Variants in C2 observed in about 807,000 individuals in gnomAD.
C2 encodes C3/C5 convertase.
C2 carries 64 observed loss-of-function variants against 85.2 expected under a neutral mutation model. That is an observed-to-expected ratio of 0.75 (90% CI 0.61 to 0.92). The LOEUF (loss-of-function observed/expected upper bound fraction) is 0.92, where lower values mean the gene tolerates loss of function less well. Among genes scored for constraint, C2 ranks in the 40% least tolerant of loss-of-function variants. C2 has a pLI of 0.00. For missense variants in C2, 820 were observed against 971.6 expected (o/e 0.84, Z 2.07); for synonymous variants, 311 against 370.8 (o/e 0.84, Z 1.85).
At position 31,921,337 on chromosome 6, in the gene C2, C is replaced by T; in HGVS notation, c.-100+1311C>T. ...CTCTGGGGAGCTTGAGACAAGTGCA[C>T]AAGTAGCTAGAAGGTGGGAAATGGC... On this transcript the variant is annotated intron_variant, in intron 1 of 3. Coordinates refer to the C2 transcript ENST00000413154. The surrounding 1 kb of genome is among the most constrained non-coding windows in gnomAD (Gnocchi z 4.6). Among the ~76,000 whole-genome samples, 1 of 151,522 alleles carries T rather than the reference C, an allele frequency of 6.6e-6. No homozygotes were observed. Among genetic ancestry groups the T allele is most frequent in the Non-Finnish European group, 1.5e-5 (1 of 67,950 alleles).
intron 1 of C2, among the ~76,000 whole-genome samples, chr6:31,907,951 A>G (rs1295723345): frequency 2.0e-5 from 3 of 147,506 alleles, no homozygotes; most frequent in Non-Finnish European, 4.4e-5. Context: ...GGTTCAAGCA[A>G]TTCTCCTGCC....
upstream of C2, among the ~76,000 whole-genome samples, chr6:31,915,788 T>G (rs1768461185): frequency 6.6e-6 from 1 of 152,192 alleles, no homozygotes; most frequent in Non-Finnish European, 1.5e-5. Context: ...AGCAAGCCAG[T>G]TAGGCCTCTT....
At chr6:31,926,543 G>A (rs947035119), upstream of C2, among the ~76,000 whole-genome samples, 2 of 151,826 alleles carry the variant, frequency 1.3e-5, no homozygotes, top group African/African-American at 4.8e-5. Flanking sequence ...CATGTTGGCC[G>A]GGCTGGTCTC....
chr6:31,929,243 A>C (rs1159041589), intron 3 of C2, among the ~76,000 whole-genome samples: 2 of 152,184 alleles, frequency 1.3e-5, no homozygotes, highest in Admixed American at 1.3e-4. Flanking sequence ...GAGAGAGTCA[A>C]GTACTGTGCT....
intron 1 of C2, chr6:31,901,322 A>C: frequency 3.1e-6 from 5 of 1,595,674 alleles, no homozygotes; most frequent in Non-Finnish European, 4.3e-6. Flanking sequence ...GGGGGTGGGC[A>C]ACCCTGGTTG....
chr6:31,943,024 A>G lies in C2; in HGVS notation c.1285A>G (p.Lys429Glu). 6.2e-7 allele frequency: 1 copy of G among 1,613,114 alleles called. No individual in the cohort carries two copies. The highest frequency in any genetic ancestry group is 8.5e-7 in the Non-Finnish European group (1 of 1,180,048). Residue 429 changes from lysine to glutamate, a missense_variant, in exon 10 of 18, where the codon AAG (lysine) becomes GAG (glutamate). By Grantham distance (56) the Lys-to-Glu change is moderately conservative. Coordinates refer to ENST00000299367, the MANE Select transcript of C2 (RefSeq NM_000063.6). The surrounding 1 kb of genome is among the most constrained non-coding windows in gnomAD (Gnocchi z 6.4). ...DWRELNELGS[K>E]KDGERHAFIL... is the part of the protein sequence containing the mutation. Reference sequence around the variant, plus strand: ...GAGAGAACTGAATGAGCTAGGGTCCAAGAAGGATGGTGAGAGGCATGCCTT... The same window carrying G: ...GAGAGAACTGAATGAGCTAGGGTCCGAGAAGGATGGTGAGAGGCATGCCTT...
At position 31,943,952 on chromosome 6, in the gene C2, T is replaced by C; in HGVS notation, c.1769T>C (p.Leu590Pro). The C allele has an allele frequency of 1.2e-6, 2 of 1,612,988 alleles. No individual in the cohort carries two copies. Among genetic ancestry groups the C allele is most frequent in the Non-Finnish European group, 1.7e-6 (2 of 1,180,010 alleles). Residue 590 changes from leucine to proline, a missense_variant, in exon 14 of 18, where the codon CTG (leucine) becomes CCG (proline). Transcript: ENST00000299367. This position sits in a 1 kb window ranked among gnomAD's most constrained non-coding sequence, Gnocchi z 6.4. ...CTTCCCTGCACGATGGAGGCCAATCTGGCTCTGCGGAGACCTCAAGGCAGC... is the reference window on the plus strand; with the variant it reads ...CTTCCCTGCACGATGGAGGCCAATCCGGCTCTGCGGAGACCTCAAGGCAGC... ...ICLPCTMEAN[L>P]ALRRPQGSTC... is the part of the protein sequence containing the mutation.
chr6:31,934,448 T>A, intron 6 of C2, 149 bp downstream of exon 6: 1 of 1,279,990 alleles, frequency 7.8e-7, no homozygotes, highest in East Asian at 2.3e-5. Context: ...GAATCATGAA[T>A]TCAATTTATA....
chr6:31,934,961 T>A, intron 6 of C2: 1 of 374,498 alleles, frequency 2.7e-6, no homozygotes, highest in Non-Finnish European at 3.7e-6. Context: ...TGGGCTGAGA[T>A]CACGCCATTG....
At chr6:31,924,366 C>T (rs773321388), upstream of C2, among the ~76,000 whole-genome samples, 1 of 152,162 alleles carries the variant, frequency 6.6e-6, no homozygotes, top group African/African-American at 2.4e-5. Context: ...GATTGGAGAG[C>T]AGGGCCTCTT....
rs1347301857 is a variant in C2, at chr6:31,935,149, T to A, written c.850-774T>A. On this transcript the variant is annotated intron_variant, in intron 6 of 17. Coordinates refer to ENST00000299367, the MANE Select transcript of C2 (RefSeq NM_000063.6). The surrounding 1 kb of genome is among the most constrained non-coding windows in gnomAD (Gnocchi z 4.3). ...CTTCATGTAACATTATAGATGGTTT[T>A]CCCTCCCAGCTACATTTTAAAGAGG... The A allele has an allele frequency of 1.2e-6, 1 of 837,670 alleles. No homozygotes were observed. The highest frequency in any genetic ancestry group is 1.8e-5 in the African/African-American group (1 of 54,496). The allele number at this position is 837,670 out of a possible 1,614,324, so 51.9% of individuals were successfully genotyped here. A position where few individuals can be genotyped will look rare whatever the true frequency, so the allele number is the denominator to read the frequency against.
intron 1 of C2, among the ~76,000 whole-genome samples, chr6:31,901,676 A>C: frequency 1.4e-5 from 2 of 139,122 alleles, no homozygotes; most frequent in African/African-American, 2.7e-5. Context: ...CGCCCCCTTT[A>C]CCGGCTGCCT....
rs1030051583 is a variant in C2, at chr6:31,904,683, G to T, written c.73+3544G>T. On this transcript the variant is annotated intron_variant, in intron 1 of 3. Coordinates refer to the C2 transcript ENST00000452202. The surrounding 1 kb of genome is among the most constrained non-coding windows in gnomAD (Gnocchi z 4.4). The stretch of plus-strand genomic sequence containing the variant: ...TTCCGCATTGCCAAACTTCTCAGAA[G>T]AATAGTTCACATTCCAGTGAGAGCA... Among the ~76,000 whole-genome samples, 1 of 152,170 alleles carries T rather than the reference G, an allele frequency of 6.6e-6. No homozygotes were observed. Among genetic ancestry groups the T allele is most frequent in the South Asian group, 2.1e-4 (1 of 4,808 alleles).
At chr6:31,909,212 G>A (rs1478450715) in intron 1 of C2, among the ~76,000 whole-genome samples, 1 of 151,932 alleles carries the variant, frequency 6.6e-6, no homozygotes, top group African/African-American at 2.4e-5. Flanking sequence ...GAATTTGTTT[G>A]TATACCTATT....
At position 31,943,170 on chromosome 6, in the gene C2, C is replaced by T; in HGVS notation, c.1361-55C>T. ...CCCGCCAGAGGCCCGTGTTGGGAAC[C>T]TGGACACAGTGCCCCTCACTTGCCT... On this transcript the variant is annotated intron_variant, in intron 10 of 17. Transcript: ENST00000299367. This position sits in a 1 kb window ranked among gnomAD's most constrained non-coding sequence, Gnocchi z 6.4. 1.2e-6 allele frequency: 2 copies of T among 1,612,108 alleles called. No homozygotes were observed. Among genetic ancestry groups the T allele is most frequent in the Non-Finnish European group, 1.7e-6 (2 of 1,179,190 alleles).
chr6:31,919,628 A>G (rs999154735), upstream of C2, among the ~76,000 whole-genome samples: 2 of 152,156 alleles, frequency 1.3e-5, no homozygotes. Flanking sequence ...CAGAGAGCAT[A>G]TGTGGCTACT....
At chr6:31,910,589 T>G (rs1435946346) in intron 1 of C2, among the ~76,000 whole-genome samples, 1 of 152,042 alleles carries the variant, frequency 6.6e-6, no homozygotes, top group African/African-American at 2.4e-5. Context: ...GATAATGTCT[T>G]GGGGGTAGAA....
Position 31,934,283 on chromosome 6 carries a change from C to T in C2, c.833C>T (p.Ser278Phe). Residue 278 changes from serine (S) to phenylalanine (F), a missense_variant, in exon 6 of 18, where the codon TCC (serine) becomes TTC (phenylalanine). By Grantham distance (155) the Ser-to-Phe change is radical. Coordinates refer to ENST00000299367, the MANE Select transcript of C2 (RefSeq NM_000063.6). ...NDFLIFKESA[S>F]LMVDRIFSFE... ...TTTCTCATCTTCAAGGAGAGCGCCTCCCTCATGGTGGACAGGGTCAGGAAT... is the reference window on the plus strand; with the variant it reads ...TTTCTCATCTTCAAGGAGAGCGCCTTCCTCATGGTGGACAGGGTCAGGAAT... 1.2e-6 allele frequency: 2 copies of T among 1,614,014 alleles called. No homozygotes were observed. The highest frequency in any genetic ancestry group is 1.7e-6 in the Non-Finnish European group (2 of 1,179,916).
At position 31,943,348 on chromosome 6, in the gene C2, T is replaced by G. The variant is rs1481317842; in HGVS notation, c.1455+29T>G. 1.2e-6 allele frequency: 2 copies of G among 1,610,394 alleles called. No homozygotes were observed. The highest frequency in any genetic ancestry group is 1.7e-6 in the Non-Finnish European group (2 of 1,177,684). ...CCAGGAAGGAGGGGCAGGGCTTGGA[T>G]TCCAGAGGTAAAAGCGGCCATGGGC... On this transcript the variant is annotated intron_variant, in intron 11 of 17. Transcript: ENST00000299367. The surrounding 1 kb of genome is among the most constrained non-coding windows in gnomAD (Gnocchi z 6.4).
Sources: allele counts gnomAD v4.1 joint callset (sites outside exome capture counted in the v4.1 genomes callset), GRCh38; gene constraint gnomAD v4.1.1; non-coding constraint Gnocchi (gnomAD v3.1); transcripts MANE v1.5; gene names NCBI Gene and HGNC (gene_info 2026-07-23, HGNC 2026-07-21).